The following FAM193A variants were observed in gnomAD, a reference collection of about 807,000 sequenced individuals.
FAM193A encodes the protein family with sequence similarity 193 member A.
Under a neutral mutation model 126.5 loss-of-function variants are expected in FAM193A, and 22 were observed. The ratio of observed to expected loss-of-function variants is 0.17; its 90% CI spans 0.12 to 0.25. The LOEUF (loss-of-function observed/expected upper bound fraction) is 0.25. Among genes scored for constraint, FAM193A ranks in the 10% least tolerant of loss-of-function variants. The pLI, the probability that FAM193A is intolerant of heterozygous loss-of-function variation, is 1.00. For missense variants in FAM193A, 1,675 were observed against 1,672.8 expected, an observed-to-expected ratio of 1.00 and a Z score of -0.02; for synonymous variants, 761 against 646.8, an observed-to-expected ratio of 1.18 and a Z score of -2.68.
chr4:2,663,374 T>G, intron 12 of FAM193A, 86 bp downstream of exon 12: 1 of 1,095,638 alleles, frequency 9.1e-7, no homozygotes, highest in South Asian at 1.9e-5. Context: ...TACAAAATTA[T>G]TTTGTTTCCC....
intron 1 of FAM193A, among the ~76,000 whole-genome samples, chr4:2,561,280 C>A (rs895596509): frequency 6.9e-6 from 1 of 145,430 alleles, no homozygotes; most frequent in South Asian, 2.2e-4. Flanking sequence ...TTCCGGGTTC[C>A]AGGCAGTTCT....
At chr4:2,624,996 T>A (rs1158441526) in intron 2 of FAM193A, among the ~76,000 whole-genome samples, 3 of 152,222 alleles carry the variant, frequency 2.0e-5, no homozygotes, top group African/African-American at 7.2e-5. Context: ...TAGCTGGGAC[T>A]ACAGGCGGGC....
intron 19 of FAM193A, among the ~76,000 whole-genome samples, chr4:2,701,840 G>A (rs1313587196): frequency 1.3e-5 from 2 of 150,864 alleles, no homozygotes; most frequent in African/African-American, 4.9e-5. Flanking sequence ...GCAGTGGCAC[G>A]ATCTCAGCTC....
At chr4:2,662,273 C>T (rs917769584) in intron 10 of FAM193A, among the ~76,000 whole-genome samples, 2 of 152,152 alleles carry the variant, frequency 1.3e-5, no homozygotes, top group Non-Finnish European at 2.9e-5. Context: ...TATTTAATTA[C>T]GATCATGAGT....
intron 1 of FAM193A, among the ~76,000 whole-genome samples, chr4:2,539,181 C>T (rs1192836899): frequency 1.3e-5 from 2 of 152,100 alleles, no homozygotes; most frequent in African/African-American, 2.4e-5. Flanking sequence ...CGTGAGCCAC[C>T]GTGCCCAGCC....
At chr4:2,703,445 C>T (rs1269137538) in intron 19 of FAM193A, among the ~76,000 whole-genome samples, 6 of 152,144 alleles carry the variant, frequency 3.9e-5, no homozygotes, top group Admixed American at 6.6e-5. Flanking sequence ...TGAGGTTTCA[C>T]CATGTTGGCC....
intron 1 of FAM193A, among the ~76,000 whole-genome samples, chr4:2,572,777 ATTTTTT>A (rs533532132): frequency 7.4e-6 from 1 of 135,932 alleles, no homozygotes; most frequent in Non-Finnish European, 1.6e-5. Context: ...CAGAGGAGGA[ATTTTTT>A]TTTTTTTTTT....
At chr4:2,552,463 A>G (rs1737989492) in intron 1 of FAM193A, among the ~76,000 whole-genome samples, 1 of 150,232 alleles carries the variant, frequency 6.7e-6, no homozygotes, top group Non-Finnish European at 1.5e-5. Flanking sequence ...TTCTAATGTG[A>G]ATATTTAATG....
chr4:2,661,917 C>A (rs779436793), intron 10 of FAM193A, among the ~76,000 whole-genome samples: 39 of 152,304 alleles, frequency 2.6e-4, no homozygotes, highest in Middle Eastern at 3.4e-3. Flanking sequence ...GGTGCAGTGG[C>A]TGATGCCTGT....
intron 1 of FAM193A, among the ~76,000 whole-genome samples, chr4:2,566,370 A>C (rs1738951593): frequency 6.6e-6 from 1 of 151,918 alleles, no homozygotes; most frequent in Non-Finnish European, 1.5e-5. Flanking sequence ...TTTTTGATAG[A>C]AGGTTGCTGT....
At chr4:2,596,047 G>A (rs1389863178) in intron 1 of FAM193A, 37 bp from the exon 2 acceptor site, 2 of 675,424 alleles carry the variant, frequency 3.0e-6, no homozygotes, top group East Asian at 5.4e-5. Context: ...CTTTGTAGAT[G>A]AGGTTTTGAA....
chr4:2,604,602 C>T (rs1255588452), intron 2 of FAM193A, among the ~76,000 whole-genome samples: 2 of 152,030 alleles, frequency 1.3e-5, no homozygotes, highest in African/African-American at 4.8e-5. Flanking sequence ...TGCCTTTCTC[C>T]TGAAGGGCGT....
chr4:2,619,436 G>A (rs374955347), intron 2 of FAM193A, among the ~76,000 whole-genome samples: 1 of 151,816 alleles, frequency 6.6e-6, no homozygotes, highest in Non-Finnish European at 1.5e-5. Flanking sequence ...CTGAGTAGCT[G>A]GGATTACAGG....
intron 4 of FAM193A, among the ~76,000 whole-genome samples, chr4:2,630,580 TC>T (rs1006899381): frequency 6.6e-6 from 1 of 152,216 alleles, no homozygotes; most frequent in Non-Finnish European, 1.5e-5. Flanking sequence ...AGCGTGCTCT[TC>T]CAGCTGTGTG....
chr4:2,578,391 C>G (rs1739727925), intron 1 of FAM193A, among the ~76,000 whole-genome samples: 1 of 151,872 alleles, frequency 6.6e-6, no homozygotes, highest in Non-Finnish European at 1.5e-5. Flanking sequence ...GCACTAGACT[C>G]TGTATCAAGC....
intron 2 of FAM193A, among the ~76,000 whole-genome samples, chr4:2,598,407 G>GC (rs1553891657): frequency 1.4e-4 from 22 of 152,178 alleles, no homozygotes; most frequent in African/African-American, 5.3e-4. Context: ...TTTGAAAAAA[G>GC]CTGCTATGAA....
chr4:2,663,322 CTT>C lies in FAM193A; in HGVS notation c.2079+38_2079+39del, dbSNP rs777057790. 1.5e-5 allele frequency: 23 copies of C among 1,502,276 alleles called. No individual in the cohort carries two copies. In the African/African-American group the frequency reaches 2.5e-4, roughly 17 times the overall value. 93.1% of individuals were successfully genotyped at this position (1,502,276 alleles called of 1,614,324 possible). ...TTGCTTGCTGTTTTGCCAAGGATCT[CTT>C]TTTCTGTGTGTATTTTCTCTAAACA... On this transcript the variant is annotated intron_variant, in intron 12 of 20. Transcript: ENST00000637812.
rs573462082 is a variant in FAM193A, at chr4:2,705,188, G to T, written c.4372+4644G>T. ...GCCTCCCAAAGTGCTGGGATTACAG[G>T]CATGAGCCACCGCACCCAGCCAAGA... On this transcript the variant is annotated intron_variant, in intron 19 of 20. Transcript: ENST00000637812. Among the ~76,000 whole-genome samples, 4 of 152,276 alleles carry T rather than the reference G, an allele frequency of 2.6e-5. No homozygotes were observed. The East Asian group carries it at 7.7e-4, about 29-fold the overall frequency.
At chr4:2,685,784 G>A (rs569971034) in intron 13 of FAM193A, among the ~76,000 whole-genome samples, 1 of 152,310 alleles carries the variant, frequency 6.6e-6, no homozygotes, top group East Asian at 1.9e-4. Flanking sequence ...TAGAGGACAG[G>A]CGAGTCACCT....
Sources: gnomAD v4.1 joint callset for allele counts (sites outside exome capture counted in the v4.1 genomes callset) on GRCh38, gnomAD v4.1.1 for gene constraint, MANE v1.5 for transcripts, NCBI Gene and HGNC (gene_info 2026-07-23, HGNC 2026-07-21) for gene names.